The following CHRM3 variants were observed in gnomAD, a reference collection of about 807,000 sequenced individuals.
The protein encoded by CHRM3 is muscarinic acetylcholine receptor M3.
CHRM3 carries 11 observed loss-of-function variants against 41.8 expected under a neutral mutation model. The ratio of observed to expected loss-of-function variants is 0.26; its 90% CI spans 0.17 to 0.44. The LOEUF is 0.44. Ranked by LOEUF, CHRM3 falls within the 20% of genes least tolerant of loss-of-function variation. CHRM3 has a pLI of 1.00. For missense variants in CHRM3, 571 were observed against 745.4 expected, an observed-to-expected ratio of 0.77 and a Z score of 2.72; for synonymous variants, 297 against 301.4, an observed-to-expected ratio of 0.99 and a Z score of 0.15.
intron 1 of CHRM3, among the ~76,000 whole-genome samples, chr1:239,450,003 C>A (rs1224648894): frequency 6.6e-6 from 1 of 152,130 alleles, no homozygotes; most frequent in Non-Finnish European, 1.5e-5. Context: ...GACACCACTG[C>A]CTTAAGCATC....
At chr1:239,561,203 G>A (rs571861657) in intron 3 of CHRM3, among the ~76,000 whole-genome samples, 22 of 152,282 alleles carry the variant, frequency 1.4e-4, no homozygotes, top group Non-Finnish European at 2.8e-4. Flanking sequence ...TCCAAGACAA[G>A]AAATTCAGTT....
chr1:239,389,951 T>A (rs1658879318), intron 1 of CHRM3, among the ~76,000 whole-genome samples: 1 of 152,212 alleles, frequency 6.6e-6, no homozygotes, highest in African/African-American at 2.4e-5. Context: ...GTGAATCATA[T>A]GAAGATGGAG....
intron 1 of CHRM3, among the ~76,000 whole-genome samples, chr1:239,402,363 T>C (rs1046836619): frequency 1.3e-5 from 2 of 152,220 alleles, no homozygotes; most frequent in South Asian, 4.1e-4. Flanking sequence ...CCACCTGTTC[T>C]CACTACTACC....
At chr1:239,868,051 G>A (rs589215) in intron 6 of CHRM3, among the ~76,000 whole-genome samples, 123,302 of 152,274 alleles carry the variant, frequency 0.81, 56,092 homozygotes, top group East Asian at 1. Context: ...AAGTGTGCCC[G>A]TGGCACCCAG....
chr1:239,881,853 T>C (rs1352092004), intron 6 of CHRM3, among the ~76,000 whole-genome samples: 1 of 152,170 alleles, frequency 6.6e-6, no homozygotes, highest in East Asian at 1.9e-4. Flanking sequence ...TATTTAGATA[T>C]ATAGAGTTCT....
At chr1:239,853,087 A>C (rs1308984331) in intron 6 of CHRM3, among the ~76,000 whole-genome samples, 1 of 151,870 alleles carries the variant, frequency 6.6e-6, no homozygotes, top group Non-Finnish European at 1.5e-5. Flanking sequence ...CAACTTTTTA[A>C]ATTTAATGAT....
At chr1:239,462,420 AT>A (rs1452851263) in intron 1 of CHRM3, among the ~76,000 whole-genome samples, 1 of 152,102 alleles carries the variant, frequency 6.6e-6, no homozygotes, top group African/African-American at 2.4e-5. Context: ...GGAAAAAAAA[AT>A]TTTTCATATT....
At chr1:239,894,412 A>ATTTAT (rs1678810151) in intron 6 of CHRM3, among the ~76,000 whole-genome samples, 1 of 152,030 alleles carries the variant, frequency 6.6e-6, no homozygotes, top group East Asian at 1.9e-4. Context: ...GAAGATTCCC[A>ATTTAT]TTTATTTTAT....
At chr1:239,401,823 T>C (rs1350443491) in intron 1 of CHRM3, among the ~76,000 whole-genome samples, 2 of 152,104 alleles carry the variant, frequency 1.3e-5, no homozygotes, top group Non-Finnish European at 2.9e-5. Context: ...GATTATCTAA[T>C]GGAGGCCTCT....
At chr1:239,500,626 ATAAAG>A (rs1195276977) in intron 2 of CHRM3, among the ~76,000 whole-genome samples, 5 of 152,146 alleles carry the variant, frequency 3.3e-5, no homozygotes, top group East Asian at 3.8e-4. Flanking sequence ...TTAAAAAAAA[ATAAAG>A]TAATTAAATC....
chr1:239,740,209 T>C (rs1664718271), intron 5 of CHRM3, among the ~76,000 whole-genome samples: 1 of 152,216 alleles, frequency 6.6e-6, no homozygotes, highest in African/African-American at 2.4e-5. Context: ...GAATAGGATA[T>C]ACTCTAGTCC....
chr1:239,763,706 A>AGGACT (rs1666984546), intron 5 of CHRM3, among the ~76,000 whole-genome samples: 1 of 152,152 alleles, frequency 6.6e-6, no homozygotes, highest in Non-Finnish European at 1.5e-5. Context: ...TCAAGAAAAA[A>AGGACT]GGACTCATTA....
intron 5 of CHRM3, among the ~76,000 whole-genome samples, chr1:239,806,679 A>G (rs756090368): frequency 2.0e-5 from 3 of 152,212 alleles, no homozygotes; most frequent in African/African-American, 7.2e-5. Flanking sequence ...AGAAACGCAC[A>G]TATTGTAGAT....
chr1:239,810,743 G>A (rs2148979410), intron 5 of CHRM3, among the ~76,000 whole-genome samples: 1 of 152,354 alleles, frequency 6.6e-6, no homozygotes, highest in Non-Finnish European at 1.5e-5. Flanking sequence ...TAACCCATGA[G>A]GTTGAACTAT....
At chr1:239,852,322 G>A (rs78276630) in intron 6 of CHRM3, among the ~76,000 whole-genome samples, 2,880 of 152,266 alleles carry the variant, frequency 0.019, 50 homozygotes, top group Non-Finnish European at 0.024. Flanking sequence ...TACAATGTGA[G>A]CTTGGTCTAG....
chr1:239,659,981 G>C (rs1020440285), intron 4 of CHRM3, among the ~76,000 whole-genome samples: 4 of 152,124 alleles, frequency 2.6e-5, no homozygotes, highest in Non-Finnish European at 4.4e-5. Context: ...ACTTATTAGA[G>C]ACAGGGTCTC....
At chr1:239,702,537 G>A (rs1660779931) in intron 5 of CHRM3, among the ~76,000 whole-genome samples, 2 of 152,184 alleles carry the variant, frequency 1.3e-5, no homozygotes, top group Non-Finnish European at 1.5e-5. Flanking sequence ...ATAATAGCTT[G>A]CAGAAAGTTT....
At chr1:239,817,781 C>T (rs76289665) in intron 5 of CHRM3, among the ~76,000 whole-genome samples, 1,535 of 152,158 alleles carry the variant, frequency 0.01, 14 homozygotes, top group Non-Finnish European at 0.017. Context: ...ACTGTGATTC[C>T]GTCCCATTAA....
At chr1:239,473,019 A>C (rs1319726324) in intron 1 of CHRM3, among the ~76,000 whole-genome samples, 1 of 152,198 alleles carries the variant, frequency 6.6e-6, no homozygotes, top group Non-Finnish European at 1.5e-5. Context: ...GTGACAAATT[A>C]GCATTTAAAA....
Sources: gnomAD v4.1 joint callset for allele counts (sites outside exome capture counted in the v4.1 genomes callset) on GRCh38, gnomAD v4.1.1 for gene constraint, MANE v1.5 for transcripts, NCBI Gene and HGNC (gene_info 2026-07-23, HGNC 2026-07-21) for gene names.